ERMP1: variants seen among roughly 807,000 people sequenced by gnomAD.
ERMP1 encodes the protein Felix-ina.
In ERMP1, 86 loss-of-function variants were observed where a neutral mutation model predicts 92.0. The ratio of observed to expected loss-of-function variants is 0.93; its 90% CI spans 0.79 to 1.12. The LOEUF (loss-of-function observed/expected upper bound fraction) is 1.12. Ranked by LOEUF, ERMP1 falls within the 50% of genes most tolerant of loss-of-function variation. The pLI is 0.00. For synonymous variants in ERMP1, 530 were observed against 412.8 expected, an observed-to-expected ratio of 1.28 and a Z score of -3.44; for missense variants, 1,342 against 1,116.3, an observed-to-expected ratio of 1.20 and a Z score of -2.88.
intron 13 of ERMP1, among the ~76,000 whole-genome samples, chr9:5,788,514 A>G (rs1024663179): frequency 6.6e-6 from 1 of 152,224 alleles, no homozygotes; most frequent in Non-Finnish European, 1.5e-5. Context: ...CAGTCAAAAA[A>G]GTTGAAAGAG....
chr9:5,832,198 T>C (rs1829967854), intron 1 of ERMP1, among the ~76,000 whole-genome samples: 1 of 151,952 alleles, frequency 6.6e-6, no homozygotes, highest in African/African-American at 2.4e-5. Flanking sequence ...GACTGGGCGG[T>C]GTTCCAGAAA....
At chr9:5,844,569 T>A (rs1296587312) in intron 6 of ERMP1, among the ~76,000 whole-genome samples, 1 of 152,132 alleles carries the variant, frequency 6.6e-6, no homozygotes, top group Non-Finnish European at 1.5e-5. Flanking sequence ...CCACCACGCC[T>A]GGCCCTAGCA....
At position 5,816,870 on chromosome 9, in the gene ERMP1, C is replaced by T. The variant is rs184028319; in HGVS notation, c.875-3835G>A. 4.3e-4 allele frequency among the ~76,000 whole-genome samples: 65 copies of T among 150,822 alleles called. 1 individual carries two copies. The highest frequency in any genetic ancestry group is 4.1e-3 in the Admixed American group (62 of 15,138). ...TATAGCTAAAGTTTTGAGGTTTGAC[C>T]TTAGATCATCTAACTACAGAGCCTA... On this transcript the variant is annotated intron_variant, in intron 4 of 14. Coordinates refer to ENST00000339450, the MANE Select transcript of ERMP1 (RefSeq NM_024896.3).
At chr9:5,837,439 A>G (rs1288262558), upstream of ERMP1, among the ~76,000 whole-genome samples, 4 of 152,210 alleles carry the variant, frequency 2.6e-5, no homozygotes, top group Non-Finnish European at 4.4e-5. Context: ...AATATTTATA[A>G]TAATCAAGAC....
chr9:5,788,330 C>T (rs1828025989), intron 13 of ERMP1, among the ~76,000 whole-genome samples: 1 of 152,036 alleles, frequency 6.6e-6, no homozygotes, highest in African/African-American at 2.4e-5. Context: ...CTATAGTGTC[C>T]AGTCAAAGAA....
rs185717049 is a variant in ERMP1 at position 5,828,124 on chromosome 9, A to C, written c.640+2603T>G. ...GACCAGCCTGGGCAACAAAGTGAGAACCTGTCTCTATTATTTAAAACATAA... is the reference window on the plus strand; with the variant it reads ...GACCAGCCTGGGCAACAAAGTGAGACCCTGTCTCTATTATTTAAAACATAA... On this transcript the variant is annotated intron_variant, in intron 2 of 14. Transcript: ENST00000339450. Among the ~76,000 whole-genome samples the C allele has an allele frequency of 1.7e-3, 252 of 152,314 alleles. 1 individual carries two copies. Among genetic ancestry groups the C allele is most frequent in the African/African-American group, 5.7e-3 (236 of 41,554 alleles).
intron 4 of ERMP1, among the ~76,000 whole-genome samples, chr9:5,815,431 C>T (rs1036892690): frequency 1.1e-5 from 1 of 89,572 alleles, no homozygotes; most frequent in Non-Finnish European, 2.3e-5. Flanking sequence ...ATTCATGCAA[C>T]AAAATAAACA....
At chr9:5,805,533 CA>C (rs1240710686) in intron 9 of ERMP1, 77 bp downstream of exon 9, 46 of 1,336,650 alleles carry the variant, frequency 3.4e-5, no homozygotes, top group Admixed American at 1.7e-4. Context: ...CCAATAAAAC[CA>C]AAAAAGAAAG....
intron 7 of ERMP1, 120 bp downstream of exon 7, chr9:5,810,991 A>G: frequency 1.6e-6 from 1 of 636,808 alleles, no homozygotes; most frequent in Non-Finnish European, 2.7e-6. Context: ...CTTACAATAT[A>G]AAGCAAACAT....
chr9:5,812,234 GAA>G lies in ERMP1; in HGVS notation c.1022-19_1022-18del. On this transcript the variant is annotated intron_variant, in intron 5 of 14. Coordinates refer to ENST00000339450, the MANE Select transcript of ERMP1 (RefSeq NM_024896.3). ...AGTCTATTCCTAAAACATATATATA[GAA>G]AAAAAAAAGTCATTTTGCTTTAAAG... The G allele has an allele frequency of 6.0e-6, 8 of 1,327,172 alleles. No individual in the cohort carries two copies. In the Middle Eastern group the frequency reaches 6.2e-4, roughly 102 times the overall value. The allele number at this position is 1,327,172 out of a possible 1,614,324, so 82.2% of individuals were successfully genotyped here.
Position 5,848,207 on chromosome 9 carries a change from G to A in ERMP1, n.3199+11261C>T, listed in dbSNP as rs182205807. Among the ~76,000 whole-genome samples, 12 of 152,268 alleles carry A rather than the reference G, an allele frequency of 7.9e-5. No individual in the cohort carries two copies. In the South Asian group the frequency reaches 1.5e-3, roughly 18 times the overall value. Reference sequence around the variant, plus strand: ...GATTAACTTAAGGACCTTGAGATGGGGAGATTATCCCAGTTATCTGGGTGG... The same window carrying A: ...GATTAACTTAAGGACCTTGAGATGGAGAGATTATCCCAGTTATCTGGGTGG... On this transcript the variant is annotated intron_variant and non_coding_transcript_variant, in intron 6 of 6. Transcript: ENST00000690753.
chr9:5,788,053 T>C (rs1022321470), intron 13 of ERMP1, among the ~76,000 whole-genome samples: 1 of 152,242 alleles, frequency 6.6e-6, no homozygotes, highest in Non-Finnish European at 1.5e-5. Flanking sequence ...CTGGAAAATA[T>C]TAGCTCAGTT....
At position 5,805,680 on chromosome 9, in the gene ERMP1, T is replaced by C. The variant is rs1828841960; in HGVS notation, c.1654A>G (p.Ile552Val). ...GGGAATGCTACCCAGACAGCACTAA[T>C]AAACGCCGAGCAAAGTCCTTGGTAA... ...LTYQGLCSAF[I>V]SAVWVAFPLL... The change falls in exon 9 of 15, where the codon ATT (isoleucine) becomes GTT (valine). Residue 552 changes from isoleucine (I) to valine (V), a missense_variant. By Grantham distance (29) the Ile-to-Val change is conservative (BLOSUM62 3). Coordinates refer to ENST00000339450, the MANE Select transcript of ERMP1 (RefSeq NM_024896.3). The C allele has an allele frequency of 1.2e-6, 2 of 1,613,546 alleles. No homozygotes were observed. The highest frequency in any genetic ancestry group is 1.3e-5 in the African/African-American group (1 of 74,942).
At chr9:5,862,150 C>A (rs1830518824) in intron 5 of ERMP1, among the ~76,000 whole-genome samples, 1 of 152,090 alleles carries the variant, frequency 6.6e-6, no homozygotes, top group Non-Finnish European at 1.5e-5. Context: ...CCACCTCAGC[C>A]TCCCAAGTAG....
chr9:5,801,083 GAA>G, intron 11 of ERMP1, 91 bp downstream of exon 11: 1 of 1,368,964 alleles, frequency 7.3e-7, no homozygotes, highest in Non-Finnish European at 9.9e-7. Context: ...GTCAACAGCA[GAA>G]AAGTCAGCTG....
chr9:5,815,478 T>A, intron 4 of ERMP1, among the ~76,000 whole-genome samples: 2 of 94,186 alleles, frequency 2.1e-5, no homozygotes, highest in African/African-American at 4.1e-5. Flanking sequence ...TTAAAATACA[T>A]AAAGTACTGA....
At chr9:5,805,326 G>A in intron 9 of ERMP1, 109 bp from the exon 10 acceptor site, 1 of 827,126 alleles carries the variant, frequency 1.2e-6, no homozygotes, top group South Asian at 1.9e-5. Context: ...GGTTAGATGT[G>A]ACTCTTGCCC....
intron 6 of ERMP1, among the ~76,000 whole-genome samples, chr9:5,839,836 T>C (rs1235211591): frequency 6.6e-6 from 1 of 152,140 alleles, no homozygotes; most frequent in Non-Finnish European, 1.5e-5. Flanking sequence ...ATGGCAAATA[T>C]CTCTCAAAGT....
rs1259537415 is a variant in ERMP1, at chr9:5,784,618, C to T, written c.*2526G>A. The T allele has an allele frequency of 6.6e-6, 1 of 152,628 alleles. No individual in the cohort carries two copies. The highest frequency in any genetic ancestry group is 1.5e-5 in the Non-Finnish European group (1 of 68,034). The allele number at this position is 152,628 out of a possible 1,614,324, so 9.5% of individuals were successfully genotyped here. ...GTAACATTGTAAGGCAACAATTAAT[C>T]CTCAGTAAGTCAGCAAACCAGTGAC... On this transcript the variant is annotated 3_prime_UTR_variant, in exon 15 of 15. Transcript: ENST00000339450.
Sources: gnomAD v4.1 joint callset for allele counts (sites outside exome capture counted in the v4.1 genomes callset) on GRCh38, gnomAD v4.1.1 for gene constraint, MANE v1.5 for transcripts, NCBI Gene and HGNC (gene_info 2026-07-23, HGNC 2026-07-21) for gene names.